Variants in TEN1 observed in about 807,000 individuals in gnomAD.
The protein encoded by TEN1 is TEN1 subunit of CST complex.
In TEN1, 6 loss-of-function variants were observed where a neutral mutation model predicts 9.3. The observed-to-expected ratio is 0.65, with a 90% CI of 0.35 to 1.27. TEN1 has a LOEUF of 1.27. Ranked by LOEUF, TEN1 falls within the 50% of genes most tolerant of loss-of-function variation. The pLI is 0.03. For missense variants in TEN1, 149 were observed against 158.2 expected (o/e 0.94, Z 0.31); for synonymous variants, 65 against 65.6 (o/e 0.99, Z 0.04).
chr17:76,000,497 A>AGCTTGGGCGCAGGGGCCGT lies in TEN1; in HGVS notation c.*245_*246insAGGGGCCGTGCTTGGGCGC. 3.4e-6 allele frequency: 2 copies of AGCTTGGGCGCAGGGGCCGT among 586,268 alleles called. No homozygotes were observed. The highest frequency in any genetic ancestry group is 5.6e-6 in the Non-Finnish European group (2 of 359,394). 36.3% of individuals were successfully genotyped at this position (586,268 alleles called of 1,614,324 possible). A position where few individuals can be genotyped will look rare whatever the true frequency, so the allele number is the denominator to read the frequency against. The stretch of plus-strand genomic sequence containing the variant: ...CACCCCAGGAGACTGCAGGTGGCCG[A>AGCTTGGGCGCAGGGGCCGT]GCTTGGGCGCCGGGGCCGTGCTTGG... On this transcript the variant is annotated 3_prime_UTR_variant, in exon 4 of 4. Coordinates refer to ENST00000397640, the MANE Select transcript of TEN1 (RefSeq NM_001113324.3). This position sits in a 1 kb window ranked among gnomAD's most constrained non-coding sequence, Gnocchi z 5.9.
chr17:75,991,465 G>T lies in TEN1; in HGVS notation c.93-1G>T. On this transcript the variant is annotated splice_acceptor_variant, in intron 2 of 3. Transcript: ENST00000397640. LOFTEE classifies it high-confidence loss of function. ...ATTATTGCATTTCTTCTGCCTTCCA[G>T]GTTGTGCCTCTATGACATGATTCAG... The T allele has an allele frequency of 1.9e-6, 3 of 1,552,178 alleles. No individual in the cohort carries two copies. The highest frequency in any genetic ancestry group is 2.6e-6 in the Non-Finnish European group (3 of 1,147,074).
In TEN1 at chr17:76,000,530, C is replaced by T; in HGVS notation, c.*268C>T. ...CGCCGGGGCCGTGCTTGGTGTGGGGCCATGGAGGGTTCCAGAAGGTCCTGG... is the reference window on the plus strand; with the variant it reads ...CGCCGGGGCCGTGCTTGGTGTGGGGTCATGGAGGGTTCCAGAAGGTCCTGG... On this transcript the variant is annotated 3_prime_UTR_variant, in exon 4 of 4. Coordinates refer to ENST00000397640, the MANE Select transcript of TEN1 (RefSeq NM_001113324.3). The surrounding 1 kb of genome is among the most constrained non-coding windows in gnomAD (Gnocchi z 5.9). 2.3e-6 allele frequency: 1 copy of T among 434,228 alleles called. No homozygotes were observed. The highest frequency in any genetic ancestry group is 6.7e-4 in the Middle Eastern group (1 of 1,496). 26.9% of individuals were successfully genotyped at this position (434,228 alleles called of 1,614,324 possible).
At chr17:75,992,377 C>T (rs1281877031) in intron 3 of TEN1, among the ~76,000 whole-genome samples, 1 of 151,826 alleles carries the variant, frequency 6.6e-6, no homozygotes. Context: ...CACAGGCGTG[C>T]ACCACCACAC....
chr17:75,993,947 G>A (rs939230950), intron 3 of TEN1, among the ~76,000 whole-genome samples: 4 of 151,552 alleles, frequency 2.6e-5, no homozygotes, highest in East Asian at 3.9e-4. Flanking sequence ...TGCAGTGAGC[G>A]GAGATCGTGC....
At chr17:75,986,131 T>C (rs1169472932) in intron 1 of TEN1, 56 bp from the exon 2 acceptor site, 3 of 1,326,742 alleles carry the variant, frequency 2.3e-6, no homozygotes, top group Non-Finnish European at 3.1e-6. Context: ...CTCTGTTTTG[T>C]AGTCTATCCG....
At chr17:75,982,118 C>G (rs2066125276) in intron 1 of TEN1, among the ~76,000 whole-genome samples, 1 of 152,134 alleles carries the variant, frequency 6.6e-6, no homozygotes, top group Non-Finnish European at 1.5e-5. Flanking sequence ...ATTATCTGAC[C>G]TAGCTTGTTT....
Position 76,000,527 on chromosome 17 carries a change from G to C in TEN1, c.*265G>C. ...GGGCGCCGGGGCCGTGCTTGGTGTG[G>C]GGCCATGGAGGGTTCCAGAAGGTCC... On this transcript the variant is annotated 3_prime_UTR_variant, in exon 4 of 4. Transcript: ENST00000397640. The surrounding 1 kb of genome is among the most constrained non-coding windows in gnomAD (Gnocchi z 5.9). The C allele has an allele frequency of 2.3e-6, 1 of 436,154 alleles. No homozygotes were observed. Among genetic ancestry groups the C allele is most frequent in the Non-Finnish European group, 4.1e-6 (1 of 245,372 alleles). The allele number at this position is 436,154 out of a possible 1,614,324, so 27.0% of individuals were successfully genotyped here.
At chr17:75,980,434 T>A (rs537904665) in intron 1 of TEN1, among the ~76,000 whole-genome samples, 1 of 152,126 alleles carries the variant, frequency 6.6e-6, no homozygotes, top group East Asian at 1.9e-4. Context: ...AGTCATTTTT[T>A]TTTTTTTTCT....
chr17:75,991,748 C>A, intron 3 of TEN1, 125 bp downstream of exon 3: 2 of 1,193,780 alleles, frequency 1.7e-6, no homozygotes, highest in Non-Finnish European at 2.3e-6. Flanking sequence ...ATGTTTCTTC[C>A]AAATTAGCCC....
At chr17:75,991,234 A>G (rs2066183929) in intron 2 of TEN1, among the ~76,000 whole-genome samples, 1 of 152,160 alleles carries the variant, frequency 6.6e-6, no homozygotes, top group Non-Finnish European at 1.5e-5. Flanking sequence ...CTGCTTATCA[A>G]AATATGCCAT....
chr17:75,996,304 G>A (rs2144362652), intron 3 of TEN1, among the ~76,000 whole-genome samples: 1 of 152,108 alleles, frequency 6.6e-6, no homozygotes, highest in South Asian at 2.1e-4. Context: ...TGACCAACAT[G>A]GTGAAACCCT....
Position 75,986,258 on chromosome 17 carries a change from T to A in TEN1, c.66T>A (p.Asp22Glu). The A allele has an allele frequency of 6.5e-7, 1 of 1,549,782 alleles. No individual in the cohort carries two copies. Among genetic ancestry groups the A allele is most frequent in the Non-Finnish European group, 8.7e-7 (1 of 1,146,116 alleles). Residue 22 changes from aspartate to glutamate, a missense_variant, in exon 2 of 4, where the codon GAT becomes GAA. Coordinates refer to ENST00000397640, the MANE Select transcript of TEN1 (RefSeq NM_001113324.3). ...PWEVSAGQVP[D>E]GSTLRTFGRL... ...AGGTTAGTGCAGGCCAAGTTCCTGA[T>A]GGGAGCACGCTGAGAACATTTGGCA... is the stretch of plus-strand genomic sequence containing the variant.
intron 2 of TEN1, among the ~76,000 whole-genome samples, chr17:75,991,260 C>T (rs2066184085): frequency 6.6e-6 from 1 of 150,874 alleles, no homozygotes; most frequent in African/African-American, 2.4e-5. Context: ...AAATTGAAGG[C>T]AAGGAGATGA....
At chr17:75,980,955 C>T (rs564839380) in intron 1 of TEN1, among the ~76,000 whole-genome samples, 2 of 152,154 alleles carry the variant, frequency 1.3e-5, no homozygotes, top group South Asian at 4.1e-4. Context: ...TAAAGGTGCT[C>T]AGGAAATCTT....
intron 1 of TEN1, among the ~76,000 whole-genome samples, chr17:75,979,897 A>T (rs1298824250): frequency 1.3e-5 from 2 of 151,636 alleles, no homozygotes; most frequent in Non-Finnish European, 2.9e-5. Context: ...GAATGAGACC[A>T]AGCGGGCGGT....
chr17:75,985,681 T>C (rs2066147106), intron 1 of TEN1, among the ~76,000 whole-genome samples: 1 of 152,000 alleles, frequency 6.6e-6, no homozygotes, highest in South Asian at 2.1e-4. Flanking sequence ...TGCGCCACCA[T>C]GCCCGGCTAA....
chr17:75,991,433 G>T, intron 2 of TEN1, 33 bp from the exon 3 acceptor site: 1 of 1,550,118 alleles, frequency 6.5e-7, no homozygotes, highest in Non-Finnish European at 8.7e-7. Context: ...TCTACGTATG[G>T]ATGGAAATTA....
intron 2 of TEN1, among the ~76,000 whole-genome samples, chr17:75,988,589 A>T (rs1350699922): frequency 6.8e-6 from 1 of 147,890 alleles, no homozygotes; most frequent in Non-Finnish European, 1.5e-5. Context: ...AAAAAAAAAG[A>T]AAAGAAGAAG....
At chr17:75,999,162 A>G (rs886837221) in intron 3 of TEN1, among the ~76,000 whole-genome samples, 2 of 152,100 alleles carry the variant, frequency 1.3e-5, no homozygotes, top group African/African-American at 2.4e-5. Flanking sequence ...CCTGGGCAAC[A>G]TGGCGAGACC....
Sources: gnomAD v4.1 joint callset for allele counts (sites outside exome capture counted in the v4.1 genomes callset) on GRCh38, gnomAD v4.1.1 for gene constraint, Gnocchi (gnomAD v3.1) non-coding constraint, MANE v1.5 for transcripts, NCBI Gene and HGNC (gene_info 2026-07-23, HGNC 2026-07-21) for gene names.